Variants in GRIK4 observed in about 807,000 individuals in gnomAD.
The protein encoded by GRIK4 is glutamate ionotropic receptor kainate type subunit 4.
A neutral mutation model predicts 104.9 loss-of-function variants in GRIK4; 40 were observed. The observed-to-expected ratio is 0.38, with a 90% CI of 0.30 to 0.50. The LOEUF (loss-of-function observed/expected upper bound fraction) is 0.50. Ranked by LOEUF, GRIK4 falls within the 20% of genes least tolerant of loss-of-function variation. The pLI, the probability that GRIK4 is intolerant of heterozygous loss-of-function variation, is 0.93. For synonymous variants in GRIK4, 485 were observed against 524.9 expected (o/e 0.92, Z 1.04); for missense variants, 1,047 against 1,308.1 (o/e 0.80, Z 3.08).
At chr11:120,578,811 C>G (rs1006009616) in intron 1 of GRIK4, among the ~76,000 whole-genome samples, 6 of 152,206 alleles carry the variant, frequency 3.9e-5, no homozygotes, top group African/African-American at 7.2e-5. Flanking sequence ...TATGTCGTCC[C>G]GCTTCCTCAC....
At chr11:120,610,989 G>A (rs1034679327) in intron 1 of GRIK4, among the ~76,000 whole-genome samples, 1 of 152,124 alleles carries the variant, frequency 6.6e-6, no homozygotes, top group African/African-American at 2.4e-5. Flanking sequence ...AAGAACGTCC[G>A]GCCCATGTCC....
At chr11:120,652,036 CT>C (rs1949626947) in intron 1 of GRIK4, among the ~76,000 whole-genome samples, 1 of 152,206 alleles carries the variant, frequency 6.6e-6, no homozygotes, top group African/African-American at 2.4e-5. Context: ...CATTTCCCCG[CT>C]GAGTGACCTT....
At chr11:120,917,223 G>A (rs191404992) in intron 13 of GRIK4, among the ~76,000 whole-genome samples, 10 of 116,986 alleles carry the variant, frequency 8.5e-5, no homozygotes, top group African/African-American at 1.4e-4. Context: ...CTCCAGCCTG[G>A]GTAACAAGAG....
intron 3 of GRIK4, among the ~76,000 whole-genome samples, chr11:120,741,965 C>A (rs1189039573): frequency 6.6e-6 from 1 of 152,122 alleles, no homozygotes; most frequent in Non-Finnish European, 1.5e-5. Flanking sequence ...TATGGGGACA[C>A]AGAGGAACAA....
At chr11:120,908,893 C>G (rs1242975279) in intron 13 of GRIK4, among the ~76,000 whole-genome samples, 1 of 152,254 alleles carries the variant, frequency 6.6e-6, no homozygotes, top group Non-Finnish European at 1.5e-5. Context: ...ACTCGAGGTG[C>G]AAAGCATAAA....
At chr11:120,568,276 T>G (rs1464655554) in intron 1 of GRIK4, among the ~76,000 whole-genome samples, 20 of 152,174 alleles carry the variant, frequency 1.3e-4, no homozygotes, top group Admixed American at 1.3e-3. Context: ...AATAAGACAG[T>G]TTCTCCTGGT....
At chr11:120,936,098 G>A (rs1943592825) in intron 13 of GRIK4, 1 of 202,146 alleles carries the variant, frequency 4.9e-6, no homozygotes, top group Non-Finnish European at 1.0e-5. Context: ...CTTGTTTTCC[G>A]CCTCTTCCTT....
chr11:120,766,532 T>C (rs972353914), intron 3 of GRIK4, among the ~76,000 whole-genome samples: 7 of 152,226 alleles, frequency 4.6e-5, no homozygotes, highest in African/African-American at 1.7e-4. Flanking sequence ...CTTTGGTGTC[T>C]ACTCAAATGG....
intron 7 of GRIK4, among the ~76,000 whole-genome samples, 163 bp from the exon 8 acceptor site, chr11:120,836,628 T>G (rs1953581394): frequency 6.6e-6 from 1 of 152,206 alleles, no homozygotes; most frequent in African/African-American, 2.4e-5. Context: ...TGCTCCATCC[T>G]CTAAGATCAA....
intron 8 of GRIK4, among the ~76,000 whole-genome samples, chr11:120,856,344 C>T (rs1226818524): frequency 6.6e-6 from 1 of 152,140 alleles, no homozygotes. Flanking sequence ...CCAAGGGGCA[C>T]CATTCACATG....
At chr11:120,576,889 G>A (rs2135084835) in intron 1 of GRIK4, among the ~76,000 whole-genome samples, 1 of 152,318 alleles carries the variant, frequency 6.6e-6, no homozygotes, top group South Asian at 2.1e-4. Flanking sequence ...TCTGGTTAAG[G>A]TCTTGCCTTA....
intron 9 of GRIK4, chr11:120,869,257 C>T (rs893469274): frequency 5.2e-5 from 8 of 152,726 alleles, no homozygotes; most frequent in Non-Finnish European, 7.3e-5. Context: ...GAGACTGCAG[C>T]GGGGGAGAAG....
At chr11:120,876,338 C>T (rs1410257673) in intron 11 of GRIK4, among the ~76,000 whole-genome samples, 2 of 146,994 alleles carry the variant, frequency 1.4e-5, no homozygotes, top group Non-Finnish European at 3.0e-5. Context: ...TCACTACCAC[C>T]ACTATCACCA....
At chr11:120,704,168 C>T (rs1394177691) in intron 3 of GRIK4, among the ~76,000 whole-genome samples, 1 of 152,138 alleles carries the variant, frequency 6.6e-6, no homozygotes, top group Non-Finnish European at 1.5e-5. Flanking sequence ...TTGCACAGTG[C>T]CTGGCACATA....
At chr11:120,611,934 G>C (rs772862089) in intron 1 of GRIK4, among the ~76,000 whole-genome samples, 38 of 152,184 alleles carry the variant, frequency 2.5e-4, no homozygotes, top group Non-Finnish European at 1.2e-4. Context: ...GCAGTGCAGG[G>C]AGTGCTGTGC....
At chr11:120,705,361 G>T (rs555241581) in intron 3 of GRIK4, among the ~76,000 whole-genome samples, 99 of 152,190 alleles carry the variant, frequency 6.5e-4, no homozygotes, top group Non-Finnish European at 1.2e-3. Flanking sequence ...AGGTAGCTGG[G>T]ATTACAGGTG....
chr11:120,914,017 G>A lies in GRIK4; in HGVS notation c.1476+8524G>A, dbSNP rs143979170. Among the ~76,000 whole-genome samples, 382 of 152,320 alleles carry A rather than the reference G, an allele frequency of 2.5e-3. 2 individuals carry two copies. The highest frequency in any genetic ancestry group is 8.4e-3 in the African/African-American group (351 of 41,576). ...AAGTGGAGTGTTCCACTCCTTCCCC[G>A]TGTGACAGCCGAGCTCAGCGAGGGC... On this transcript the variant is annotated intron_variant, in intron 13 of 20. Transcript: ENST00000527524.
At chr11:120,620,331 T>G in intron 1 of GRIK4, 1 of 629,986 alleles carries the variant, frequency 1.6e-6, no homozygotes. Flanking sequence ...CCAGAGTTCT[T>G]TTTCTGCCCC....
At chr11:120,750,379 G>C (rs1951528480) in intron 3 of GRIK4, among the ~76,000 whole-genome samples, 1 of 126,576 alleles carries the variant, frequency 7.9e-6, no homozygotes, top group Non-Finnish European at 1.6e-5. Context: ...TTTTTTGGAG[G>C]CTGGGGATGT....
Sources: gnomAD v4.1 joint callset for allele counts (sites outside exome capture counted in the v4.1 genomes callset) on GRCh38, gnomAD v4.1.1 for gene constraint, MANE v1.5 for transcripts, NCBI Gene and HGNC (gene_info 2026-07-23, HGNC 2026-07-21) for gene names.